SMARCD3: variants seen among roughly 807,000 people sequenced by gnomAD.
SMARCD3 encodes the protein SWI/SNF related BAF chromatin remodeling complex subunit D3.
SMARCD3 carries 14 observed loss-of-function variants against 58.0 expected under a neutral mutation model. The ratio of observed to expected loss-of-function variants is 0.24; its 90% confidence interval spans 0.16 to 0.38. SMARCD3 has a LOEUF of 0.38. Among genes scored for constraint, SMARCD3 ranks in the 10% least tolerant of loss-of-function variants. SMARCD3 has a pLI of 1.00. For synonymous variants in SMARCD3, 253 were observed against 253.8 expected (o/e 1.00, Z 0.03); for missense variants, 408 against 636.9 (o/e 0.64, Z 3.87).
intron 2 of SMARCD3, among the ~76,000 whole-genome samples, chr7:151,253,747 C>T (rs774186078): frequency 6.6e-6 from 1 of 152,198 alleles, no homozygotes; most frequent in Non-Finnish European, 1.5e-5. Flanking sequence ...CATTTCTGCA[C>T]GGACAGGGCT....
At position 151,245,617 on chromosome 7, in the gene SMARCD3, G is replaced by C; in HGVS notation, c.133C>G (p.Pro45Ala). The part of the protein sequence containing the change: ...RMPHQGAPMG[P>A]PGSPYMGSPA... ...CTGCCCATGTACGGGGAGCCCGGGGGGCCCATGGGCGCCCCCTGGTGGGGC... is the reference window on the plus strand; with the variant it reads ...CTGCCCATGTACGGGGAGCCCGGGGCGCCCATGGGCGCCCCCTGGTGGGGC... Residue 45 changes from proline to alanine, a missense_variant, in exon 2 of 13, where the codon CCC (proline) becomes GCC (alanine). Coordinates refer to ENST00000262188, the MANE Select transcript of SMARCD3 (RefSeq NM_001003801.2). This position sits in a 1 kb window ranked among gnomAD's most constrained non-coding sequence, Gnocchi z 6.2. The C allele has an allele frequency of 1.7e-6, 2 of 1,178,420 alleles. No individual in the cohort carries two copies. The highest frequency in any genetic ancestry group is 2.1e-6 in the Non-Finnish European group (2 of 939,764). 73.0% of individuals were successfully genotyped at this position (1,178,420 alleles called of 1,614,324 possible).
chr7:151,264,160 G>A (rs113880735), intron 2 of SMARCD3, among the ~76,000 whole-genome samples: 4,942 of 151,326 alleles, frequency 0.033, 278 homozygotes, highest in African/African-American at 0.11. Context: ...CCGGGTTCAA[G>A]CGATTCTCCT....
In SMARCD3 at chr7:151,259,398, T is replaced by TGG. The variant is rs1190243938; in HGVS notation, c.40-13728_40-13727insCC. 4.9e-4 allele frequency among the ~76,000 whole-genome samples: 70 copies of TGG among 142,532 alleles called. 1 individual carries two copies. Among genetic ancestry groups the TGG allele is most frequent in the African/African-American group, 1.7e-3 (60 of 35,006 alleles). 93.5% of individuals were successfully genotyped at this position (142,532 alleles called of 152,430 possible). A position where few individuals can be genotyped will look rare whatever the true frequency, so the allele number is the denominator to read the frequency against. On this transcript the variant is annotated intron_variant, in intron 2 of 13. Coordinates refer to the SMARCD3 transcript ENST00000356800. Reference sequence around the variant, plus strand: ...AAGCTCCAAAAAGGTAGGGGCTGTGTGTGTGTGTGTGTATGTGTGTGTGTG... The same window carrying TGG: ...AAGCTCCAAAAAGGTAGGGGCTGTGTGGGTGTGTGTGTGTATGTGTGTGTGTG...
rs1803271708 is a variant in SMARCD3, at chr7:151,246,463, C to G, written c.79-792G>C. On this transcript the variant is annotated intron_variant, in intron 1 of 12. Coordinates refer to ENST00000262188, the MANE Select transcript of SMARCD3 (RefSeq NM_001003801.2). This position sits in a 1 kb window ranked among gnomAD's most constrained non-coding sequence, Gnocchi z 4.4. ...GCAGCCTGCTGGGGCGCCCCAGACA[C>G]AGCCAGGATTCTCTGATTGGGAGGA... Among the ~76,000 whole-genome samples the G allele has an allele frequency of 6.6e-6, 1 of 152,192 alleles. No homozygotes were observed. Among genetic ancestry groups the G allele is most frequent in the African/African-American group, 2.4e-5 (1 of 41,444 alleles).
intron 2 of SMARCD3, among the ~76,000 whole-genome samples, chr7:151,257,524 A>G (rs1006043330): frequency 7.7e-4 from 117 of 152,148 alleles, no homozygotes; most frequent in African/African-American, 2.4e-3. Flanking sequence ...ATGGGGTTTC[A>G]CCATATTGGC....
intron 2 of SMARCD3, among the ~76,000 whole-genome samples, chr7:151,258,318 C>T (rs1277171697): frequency 2.6e-5 from 4 of 152,050 alleles, no homozygotes; most frequent in African/African-American, 9.7e-5. Flanking sequence ...AATCCCAGCA[C>T]TTTGAGGGGC....
At chr7:151,265,221 G>T (rs1804043929) in intron 2 of SMARCD3, among the ~76,000 whole-genome samples, 1 of 152,318 alleles carries the variant, frequency 6.6e-6, no homozygotes, top group Admixed American at 6.5e-5. Context: ...GAGGTCATTA[G>T]GGTGGGCCCT....
At chr7:151,244,357 G>A (rs1474145038) in intron 2 of SMARCD3, among the ~76,000 whole-genome samples, 1 of 152,156 alleles carries the variant, frequency 6.6e-6, no homozygotes, top group African/African-American at 2.4e-5. Flanking sequence ...GACTAGGCCC[G>A]GGGTAGTAGC....
Position 151,238,995 on chromosome 7 carries a change from C to T in SMARCD3, c.*108G>A. 1 of 1,207,772 alleles carries T rather than the reference C, an allele frequency of 8.3e-7. No homozygotes were observed. Among genetic ancestry groups the T allele is most frequent in the South Asian group, 1.2e-5 (1 of 82,298 alleles). The allele number at this position is 1,207,772 out of a possible 1,614,324, so 74.8% of individuals were successfully genotyped here. A position where few individuals can be genotyped will look rare whatever the true frequency, so the allele number is the denominator to read the frequency against. On this transcript the variant is annotated 3_prime_UTR_variant, in exon 13 of 13. Coordinates refer to ENST00000262188, the MANE Select transcript of SMARCD3 (RefSeq NM_001003801.2). Reference sequence around the variant, plus strand: ...TGCTGTCAGATGAATGACTTTTAATCCAGCCCCACACCCCAAGGTGGCAGA... The same window carrying T: ...TGCTGTCAGATGAATGACTTTTAATTCAGCCCCACACCCCAAGGTGGCAGA...
Position 151,242,360 on chromosome 7 carries a change from G to T in SMARCD3, c.579+121C>A. 6.8e-7 allele frequency: 1 copy of T among 1,461,870 alleles called. No individual in the cohort carries two copies. The allele number at this position is 1,461,870 out of a possible 1,614,324, so 90.6% of individuals were successfully genotyped here. ...ATCCTCTGCACTTGGAATGTCTCTA[G>T]GCCTGCCCCTCCACCCAGCCTGGGC... On this transcript the variant is annotated intron_variant, in intron 5 of 12. Coordinates refer to ENST00000262188, the MANE Select transcript of SMARCD3 (RefSeq NM_001003801.2). This position sits in a 1 kb window ranked among gnomAD's most constrained non-coding sequence, Gnocchi z 4.7.
intron 8 of SMARCD3, 181 bp from the exon 9 acceptor site, chr7:151,240,703 A>G: frequency 1.9e-6 from 1 of 539,676 alleles, no homozygotes; most frequent in Non-Finnish European, 3.3e-6. Flanking sequence ...ATGGCTGACA[A>G]GATAGGGGGT....
At position 151,241,429 on chromosome 7, in the gene SMARCD3, G is replaced by T. The variant is rs1466730764; in HGVS notation, c.939+63C>A. ...AGGGGTGGTAGTTACCTTGGTAGAG[G>T]TACTTCCCCTGCTGGAGAACTCCGC... is the stretch of plus-strand genomic sequence containing the variant. On this transcript the variant is annotated intron_variant, in intron 8 of 12. Transcript: ENST00000262188. This position sits in a 1 kb window ranked among gnomAD's most constrained non-coding sequence, Gnocchi z 5.3. The T allele has an allele frequency of 7.1e-7, 1 of 1,411,502 alleles. No individual in the cohort carries two copies. The highest frequency in any genetic ancestry group is 9.9e-7 in the Non-Finnish European group (1 of 1,010,270). The allele number at this position is 1,411,502 out of a possible 1,614,324, so 87.4% of individuals were successfully genotyped here.
chr7:151,266,682 C>T lies in SMARCD3; in HGVS notation c.39+8432G>A, dbSNP rs114835958. ...GCAATGTGCTAGTGTGTCATGTCAG[C>T]GGCTTAACATCAGCCAATATGGGAG... is the stretch of plus-strand genomic sequence containing the variant. On this transcript the variant is annotated intron_variant, in intron 2 of 13. Coordinates refer to the SMARCD3 transcript ENST00000356800. Among the ~76,000 whole-genome samples, 796 of 152,272 alleles carry T rather than the reference C, an allele frequency of 5.2e-3. 8 individuals carry two copies. The highest frequency in any genetic ancestry group is 0.018 in the African/African-American group (745 of 41,546).
At chr7:151,270,725 G>A (rs1366927283) in intron 2 of SMARCD3, among the ~76,000 whole-genome samples, 2 of 152,162 alleles carry the variant, frequency 1.3e-5, no homozygotes, top group Non-Finnish European at 2.9e-5. Context: ...AAGCCACTAG[G>A]AAGTGGAAGG....
chr7:151,273,993 A>G (rs1410696384), intron 2 of SMARCD3, among the ~76,000 whole-genome samples: 3 of 152,210 alleles, frequency 2.0e-5, no homozygotes, highest in African/African-American at 4.8e-5. Context: ...CAGAGAAAGC[A>G]CTTTCATTCT....
rs777015544 is a variant in SMARCD3 at position 151,243,644 on chromosome 7, G to A, written c.333+15C>T. 6.4e-7 allele frequency: 1 copy of A among 1,564,850 alleles called. No homozygotes were observed. The highest frequency in any genetic ancestry group is 8.8e-7 in the Non-Finnish European group (1 of 1,135,438). ...GGTGGGGGGTGGGCTGGGGGCTGCT[G>A]TGAAAGGCACTCACCCTTTGAGGGA... On this transcript the variant is annotated intron_variant, in intron 3 of 12. Transcript: ENST00000262188. This position sits in a 1 kb window ranked among gnomAD's most constrained non-coding sequence, Gnocchi z 4.4.
chr7:151,248,649 C>T lies in SMARCD3; in HGVS notation c.-87G>A. ...GCCTTTTTTTTTCCTCCAACTCTCCCCTCTGAGTCCTGCTGGGCTCTCTCA... is the reference window on the plus strand; with the variant it reads ...GCCTTTTTTTTTCCTCCAACTCTCCTCTCTGAGTCCTGCTGGGCTCTCTCA... On this transcript the variant is annotated 5_prime_UTR_variant, in exon 1 of 13. Coordinates refer to ENST00000262188, the MANE Select transcript of SMARCD3 (RefSeq NM_001003801.2). This position sits in a 1 kb window ranked among gnomAD's most constrained non-coding sequence, Gnocchi z 6.1. 1.9e-6 allele frequency: 3 copies of T among 1,579,538 alleles called. No homozygotes were observed. Among genetic ancestry groups the T allele is most frequent in the South Asian group, 2.3e-5 (2 of 87,640 alleles).
At chr7:151,266,567 C>T (rs982225359) in intron 2 of SMARCD3, among the ~76,000 whole-genome samples, 7 of 152,052 alleles carry the variant, frequency 4.6e-5, no homozygotes, top group African/African-American at 1.2e-4. Flanking sequence ...CAAGACAAGG[C>T]TCTCTCTCTC....
rs116528245 is a variant in SMARCD3 at position 151,240,596 on chromosome 7, T to G, written c.940-74A>C. 5.9e-4 allele frequency: 665 copies of G among 1,118,432 alleles called. No homozygotes were observed. In the African/African-American group the frequency reaches 8.6e-3, roughly 14 times the overall value. 69.3% of individuals were successfully genotyped at this position (1,118,432 alleles called of 1,614,324 possible). On this transcript the variant is annotated intron_variant, in intron 8 of 12. Transcript: ENST00000262188. Reference sequence around the variant, plus strand: ...CATCATGCAGTTGTAGATCCTTTTGTTCTAGAAAGGCCACAAGAAGCTGAG... The same window carrying G: ...CATCATGCAGTTGTAGATCCTTTTGGTCTAGAAAGGCCACAAGAAGCTGAG...
Sources: gnomAD v4.1 joint callset for allele counts (sites outside exome capture counted in the v4.1 genomes callset) on GRCh38, gnomAD v4.1.1 for gene constraint, Gnocchi (gnomAD v3.1) non-coding constraint, MANE v1.5 for transcripts, NCBI Gene and HGNC (gene_info 2026-07-23, HGNC 2026-07-21) for gene names.